The following DEFB107A variants were observed in gnomAD, a reference collection of about 807,000 sequenced individuals.
The protein encoded by DEFB107A is beta-defensin 107.
At chr8:7,813,863 T>C (rs1164810197) in intron 1 of DEFB107A, among the ~76,000 whole-genome samples, 1 of 150,416 alleles carries the variant, frequency 6.6e-6, no homozygotes, top group African/African-American at 2.5e-5. Flanking sequence ...TATAGACTGA[T>C]CTGAATAAAT....
At chr8:7,815,247 CAAAAAAAA>C (rs1160791841) in intron 1 of DEFB107A, among the ~76,000 whole-genome samples, 223 of 7,084 alleles carry the variant, frequency 0.031, 13 homozygotes, top group Admixed American at 0.089. Context: ...GACTCCGTCT[CAAAAAAAA>C]AAAAAAAAAA....
At chr8:7,812,886 T>A (rs1457941617) in intron 1 of DEFB107A, among the ~76,000 whole-genome samples, 1 of 135,236 alleles carries the variant, frequency 7.4e-6, no homozygotes, top group African/African-American at 2.5e-5. Context: ...ATCACTTAAA[T>A]TTATCAGGCA....
At chr8:7,813,627 C>T (rs1202543364) in intron 1 of DEFB107A, among the ~76,000 whole-genome samples, 2 of 151,694 alleles carry the variant, frequency 1.3e-5, no homozygotes, top group African/African-American at 2.4e-5. Context: ...AGGGTGCATA[C>T]AGCTTATAAA....
At chr8:7,813,282 C>T (rs1489022320) in intron 1 of DEFB107A, among the ~76,000 whole-genome samples, 1 of 141,666 alleles carries the variant, frequency 7.1e-6, no homozygotes, top group Non-Finnish European at 1.6e-5. Flanking sequence ...TGAGCTGCTT[C>T]TATGTAATCT....
chr8:7,813,462 T>C (rs1378148195), intron 1 of DEFB107A, among the ~76,000 whole-genome samples: 1 of 150,512 alleles, frequency 6.6e-6, no homozygotes, highest in Non-Finnish European at 1.5e-5. Context: ...TTTGGACTTT[T>C]ACATGAAAGA....
chr8:7,814,664 C>G (rs200573415), intron 1 of DEFB107A, among the ~76,000 whole-genome samples: 121 of 35,890 alleles, frequency 3.4e-3, no homozygotes, highest in African/African-American at 5.0e-3. Context: ...ATCTCAAAGA[C>G]GCAAAGACTT....
At chr8:7,814,957 G>T in intron 1 of DEFB107A, among the ~76,000 whole-genome samples, 1 of 60,284 alleles carries the variant, frequency 1.7e-5, no homozygotes, top group African/African-American at 6.7e-5. Flanking sequence ...AATCACTTTA[G>T]AATATGCTGG....
At chr8:7,813,629 GCT>G (rs1432685970) in intron 1 of DEFB107A, among the ~76,000 whole-genome samples, 2 of 151,404 alleles carry the variant, frequency 1.3e-5, no homozygotes, top group Non-Finnish European at 2.9e-5. Flanking sequence ...GGTGCATACA[GCT>G]TATAAAGATT....
intron 1 of DEFB107A, among the ~76,000 whole-genome samples, chr8:7,813,431 C>T (rs1311888361): frequency 1.3e-5 from 2 of 149,374 alleles, no homozygotes; most frequent in African/African-American, 4.9e-5. Flanking sequence ...CCTCTACCCG[C>T]ACCTAGTCAA....
In DEFB107A at chr8:7,815,603, A is replaced by AAAAATATT. The variant is rs1817201371; in HGVS notation, c.25_26insAATATTTT (p.Val9GlufsTer27). The AAAAATATT allele has an allele frequency of 1.9e-6, 2 of 1,042,010 alleles. No homozygotes were observed. Among genetic ancestry groups the AAAAATATT allele is most frequent in the African/African-American group, 3.5e-5 (2 of 56,748 alleles). 64.5% of individuals were successfully genotyped at this position (1,042,010 alleles called of 1,614,324 possible). A position where few individuals can be genotyped will look rare whatever the true frequency, so the allele number is the denominator to read the frequency against. ...AAGAATGAGAGCAGCCAAAATAAAG[A>AAAAATATT]CAAATATTTTCATGGCTCCAGGCAT... On this transcript the variant is annotated frameshift_variant, in exon 1 of 2. Transcript: ENST00000335021. LOFTEE classifies it high-confidence loss of function.
chr8:7,815,247 CA>C (rs1160791841), intron 1 of DEFB107A, among the ~76,000 whole-genome samples: 232 of 7,082 alleles, frequency 0.033, no homozygotes, highest in African/African-American at 0.048. Context: ...GACTCCGTCT[CA>C]AAAAAAAAAA....
At chr8:7,813,278 G>A (rs1817130193) in intron 1 of DEFB107A, among the ~76,000 whole-genome samples, 1 of 141,532 alleles carries the variant, frequency 7.1e-6, no homozygotes. Context: ...GATGTGAGCT[G>A]CTTCTATGTA....
chr8:7,812,928 C>CAA, intron 1 of DEFB107A, among the ~76,000 whole-genome samples: 1 of 130,018 alleles, frequency 7.7e-6, no homozygotes, highest in Non-Finnish European at 1.7e-5. Flanking sequence ...CACACACGCA[C>CAA]ACACATACAC....
chr8:7,815,174 G>T, intron 1 of DEFB107A, among the ~76,000 whole-genome samples: 1 of 74,266 alleles, frequency 1.3e-5, no homozygotes, highest in Non-Finnish European at 2.8e-5. Flanking sequence ...CATGAACCTG[G>T]GAGGCAGAGC....
intron 1 of DEFB107A, among the ~76,000 whole-genome samples, chr8:7,812,762 C>T (rs1184886603): frequency 7.4e-6 from 1 of 135,084 alleles, no homozygotes; most frequent in East Asian, 2.2e-4. Flanking sequence ...TTTGTTAGTG[C>T]CAAGTTAAGG....
chr8:7,813,790 T>C (rs1817149573), intron 1 of DEFB107A, among the ~76,000 whole-genome samples: 1 of 151,804 alleles, frequency 6.6e-6, no homozygotes, highest in African/African-American at 2.4e-5. Flanking sequence ...CTATGCTTAT[T>C]ATTGTAATTC....
At chr8:7,815,247 C>CAA (rs1160791841) in intron 1 of DEFB107A, among the ~76,000 whole-genome samples, 2 of 7,070 alleles carry the variant, frequency 2.8e-4, no homozygotes, top group Non-Finnish European at 5.8e-4. Flanking sequence ...GACTCCGTCT[C>CAA]AAAAAAAAAA....
chr8:7,812,875 G>A (rs1297910202), intron 1 of DEFB107A, among the ~76,000 whole-genome samples: 1 of 137,060 alleles, frequency 7.3e-6, no homozygotes, highest in Non-Finnish European at 1.6e-5. Flanking sequence ...GTGAACTACA[G>A]ATCACTTAAA....
chr8:7,813,964 G>C (rs1198686666), intron 1 of DEFB107A, among the ~76,000 whole-genome samples: 1 of 135,110 alleles, frequency 7.4e-6, no homozygotes, highest in Non-Finnish European at 1.6e-5. Flanking sequence ...AAGATGCTGA[G>C]GGCAGAAAAT....
Sources: allele counts gnomAD v4.1 joint callset (sites outside exome capture counted in the v4.1 genomes callset), GRCh38; gene constraint gnomAD v4.1.1; transcripts MANE v1.5; gene names NCBI Gene and HGNC (gene_info 2026-07-23, HGNC 2026-07-21).